CDH18: variants seen among roughly 807,000 people sequenced by gnomAD.
The protein encoded by CDH18 is cadherin 18, also known as cadherin-18.
In CDH18, 31 loss-of-function variants were observed where a neutral mutation model predicts 67.9. The ratio of observed to expected loss-of-function variants is 0.46; its 90% CI spans 0.34 to 0.62. The LOEUF is 0.62. CDH18 is among the 20% of genes least tolerant of loss of function. CDH18 has a pLI of 0.01. For missense variants in CDH18, 890 were observed against 975.5 expected, an observed-to-expected ratio of 0.91 and a Z score of 1.17; for synonymous variants, 362 against 347.2, an observed-to-expected ratio of 1.04 and a Z score of -0.48.
chr5:20,115,843 A>G (rs6889118), intron 2 of CDH18, among the ~76,000 whole-genome samples: 21,245 of 151,998 alleles, frequency 0.14, 2,437 homozygotes, highest in African/African-American at 0.31. Flanking sequence ...TATTAAAATC[A>G]TGGCTAACCA....
At chr5:20,390,217 G>A (rs1230078950) in intron 1 of CDH18, among the ~76,000 whole-genome samples, 1 of 146,354 alleles carries the variant, frequency 6.8e-6, no homozygotes, top group Non-Finnish European at 1.5e-5. Context: ...CAGAATGGGA[G>A]AAAATTTTTG....
chr5:20,539,939 GA>G lies in CDH18; in HGVS notation c.-580+35522del, dbSNP rs571334676. Among the ~76,000 whole-genome samples the G allele has an allele frequency of 3.8e-3, 581 of 152,186 alleles. 3 individuals are homozygous for G. The highest frequency in any genetic ancestry group is 6.2e-3 in the Non-Finnish European group (423 of 67,992). On this transcript the variant is annotated intron_variant, in intron 1 of 14. Transcript: ENST00000507958. ...CCTTAGTTTACTAAACTCAAATTTG[GA>G]AGCACTGAACTATTTTAATGTCTAA...
chr5:20,313,622 G>A (rs910591556), intron 1 of CDH18, among the ~76,000 whole-genome samples: 27 of 152,076 alleles, frequency 1.8e-4, no homozygotes, highest in African/African-American at 5.8e-4. Context: ...AACAGCCCCC[G>A]AAAGAGATTA....
At chr5:20,365,581 T>C (rs981577944) in intron 1 of CDH18, among the ~76,000 whole-genome samples, 1 of 152,214 alleles carries the variant, frequency 6.6e-6, no homozygotes, top group African/African-American at 2.4e-5. Flanking sequence ...CTTATGTTTA[T>C]TGTCATGTTT....
intron 5 of CDH18, among the ~76,000 whole-genome samples, chr5:19,657,495 TAC>T (rs1457767982): frequency 6.6e-6 from 1 of 152,088 alleles, no homozygotes; most frequent in Non-Finnish European, 1.5e-5. Context: ...TTATTTGAAA[TAC>T]AGTTTGAAAT....
At chr5:19,814,502 T>G (rs1257118302) in intron 3 of CDH18, among the ~76,000 whole-genome samples, 2 of 95,738 alleles carry the variant, frequency 2.1e-5, no homozygotes, top group Non-Finnish European at 4.9e-5. Context: ...TTATAGAATA[T>G]TTAGCAGGGC....
intron 1 of CDH18, among the ~76,000 whole-genome samples, chr5:20,480,231 A>G (rs1256803630): frequency 6.6e-6 from 1 of 152,212 alleles, no homozygotes; most frequent in African/African-American, 2.4e-5. Flanking sequence ...ACACAGACAA[A>G]TACAGAAAAT....
At chr5:19,483,658 T>C (rs1224070191) in intron 11 of CDH18, 106 bp from the exon 12 acceptor site, 1 of 1,219,610 alleles carries the variant, frequency 8.2e-7, no homozygotes, top group East Asian at 2.4e-5. Flanking sequence ...CTTGTTTCAG[T>C]TTATGAAATG....
intron 2 of CDH18, among the ~76,000 whole-genome samples, chr5:19,964,918 T>C (rs1488835481): frequency 6.6e-6 from 1 of 152,118 alleles, no homozygotes; most frequent in Non-Finnish European, 1.5e-5. Flanking sequence ...ATATAAGGGC[T>C]TTAAATAGCA....
At chr5:20,300,981 T>A (rs1282546249) in intron 1 of CDH18, among the ~76,000 whole-genome samples, 1 of 152,162 alleles carries the variant, frequency 6.6e-6, no homozygotes, top group East Asian at 1.9e-4. Context: ...TTGGAGGGGA[T>A]GAACTAGAAG....
intron 1 of CDH18, among the ~76,000 whole-genome samples, chr5:20,430,444 G>T (rs1748650512): frequency 6.6e-6 from 1 of 152,078 alleles, no homozygotes; most frequent in South Asian, 2.1e-4. Context: ...CTCACCCATA[G>T]CTGCCATCTC....
chr5:20,231,506 G>A (rs1742072768), intron 2 of CDH18, among the ~76,000 whole-genome samples: 1 of 151,962 alleles, frequency 6.6e-6, no homozygotes, highest in African/African-American at 2.4e-5. Context: ...GGCTGAGACA[G>A]GAGAATCTCT....
chr5:20,003,729 A>G (rs1394794643), intron 2 of CDH18, among the ~76,000 whole-genome samples: 1 of 152,058 alleles, frequency 6.6e-6, no homozygotes, highest in Non-Finnish European at 1.5e-5. Context: ...CGTCTCTACT[A>G]AAAACACACA....
chr5:20,523,572 G>A (rs1440470770), intron 1 of CDH18, among the ~76,000 whole-genome samples: 4 of 152,114 alleles, frequency 2.6e-5, no homozygotes, highest in East Asian at 3.9e-4. Flanking sequence ...ATGGAGTCTC[G>A]CTTCTTCACC....
intron 2 of CDH18, among the ~76,000 whole-genome samples, chr5:20,019,288 G>A (rs1226659494): frequency 1.3e-5 from 2 of 152,126 alleles, no homozygotes; most frequent in East Asian, 3.9e-4. Context: ...GCTTACAGTT[G>A]ACATAGAAGA....
intron 2 of CDH18, among the ~76,000 whole-genome samples, chr5:19,873,252 G>A (rs1786530105): frequency 6.7e-6 from 1 of 149,724 alleles, no homozygotes; most frequent in Non-Finnish European, 1.5e-5. Context: ...ACAAGAGAAA[G>A]CATGGTTCAG....
At chr5:20,154,626 G>A (rs1243650379) in intron 2 of CDH18, among the ~76,000 whole-genome samples, 1 of 152,046 alleles carries the variant, frequency 6.6e-6, no homozygotes, top group African/African-American at 2.4e-5. Context: ...CTCAGTCTCT[G>A]TGCCATTCTT....
At chr5:19,606,529 G>A (rs1748070528) in intron 6 of CDH18, among the ~76,000 whole-genome samples, 1 of 151,946 alleles carries the variant, frequency 6.6e-6, no homozygotes, top group Non-Finnish European at 1.5e-5. Context: ...GCTGAAGTGT[G>A]TACTTAATAT....
At chr5:20,163,091 T>C (rs558364060) in intron 2 of CDH18, among the ~76,000 whole-genome samples, 9 of 151,074 alleles carry the variant, frequency 6.0e-5, no homozygotes, top group African/African-American at 2.2e-4. Context: ...ATAAATAGAA[T>C]TTATCTGTAG....
Sources: gnomAD v4.1 joint callset for allele counts (sites outside exome capture counted in the v4.1 genomes callset) on GRCh38, gnomAD v4.1.1 for gene constraint, MANE v1.5 for transcripts, NCBI Gene and HGNC (gene_info 2026-07-23, HGNC 2026-07-21) for gene names.